Variants in SPDYE4 observed in about 807,000 individuals in gnomAD.
SPDYE4 encodes the protein speedy protein E4.
SPDYE4 carries 30 observed loss-of-function variants against 37.5 expected under a neutral mutation model. The ratio of observed to expected loss-of-function variants is 0.80; its 90% CI spans 0.60 to 1.09. SPDYE4 has a LOEUF of 1.09. Among genes scored for constraint, SPDYE4 ranks in the 50% least tolerant of loss-of-function variants. SPDYE4 has a pLI of 0.00. For synonymous variants in SPDYE4, 131 were observed against 120.3 expected (o/e 1.09, Z -0.58); for missense variants, 300 against 307.9 (o/e 0.97, Z 0.19).
In SPDYE4 at chr17:8,753,482, C is replaced by T; in HGVS notation, c.493G>A (p.Ala165Thr). The T allele has an allele frequency of 6.2e-7, 1 of 1,613,588 alleles. No homozygotes were observed. Among genetic ancestry groups the T allele is most frequent in the Non-Finnish European group, 8.5e-7 (1 of 1,179,796 alleles). Residue 165 changes from alanine to threonine, a missense_variant, in exon 5 of 7, where the codon GCC (alanine) becomes ACC (threonine). Transcript: ENST00000689094. ...TGGTTGTCCTCCTCCATGTCACTGGCCAGGTAGCTGGGGAGAGAGATCAGG... is the reference window on the plus strand; with the variant it reads ...TGGTTGTCCTCCTCCATGTCACTGGTCAGGTAGCTGGGGAGAGAGATCAGG... ...RIHFFLALYL[A>T]SDMEEDNQAP... is the part of the protein sequence containing the mutation.
intron 3 of SPDYE4, 117 bp from the exon 4 acceptor site, chr17:8,755,722 A>G: frequency 7.7e-7 from 1 of 1,291,698 alleles, no homozygotes. Context: ...AAGGAACCTC[A>G]GTGTTGGGTG....
At chr17:8,750,319 G>A (rs138908504), downstream of SPDYE4, among the ~76,000 whole-genome samples, 1,965 of 152,232 alleles carry the variant, frequency 0.013, 48 homozygotes, top group African/African-American at 0.044. Flanking sequence ...AACTTGGGAG[G>A]TGGAGGTTGC....
rs1355821566 is a variant in SPDYE4 at position 8,751,147 on chromosome 17, A to G, written c.*1135T>C. ...TCTAGGTCATAACAGTGCTCCCTTCAGCAGCACATGTAATAACAGATAAAA... is the reference window on the plus strand; with the variant it reads ...TCTAGGTCATAACAGTGCTCCCTTCGGCAGCACATGTAATAACAGATAAAA... On this transcript the variant is annotated 3_prime_UTR_variant, in exon 7 of 7. Transcript: ENST00000689094. 6.6e-6 allele frequency among the ~76,000 whole-genome samples: 1 copy of G among 152,248 alleles called. No homozygotes were observed. The highest frequency in any genetic ancestry group is 1.5e-5 in the Non-Finnish European group (1 of 68,042).
intron 4 of SPDYE4, among the ~76,000 whole-genome samples, 151 bp from the exon 5 acceptor site, chr17:8,753,640 G>A (rs532912241): frequency 3.9e-5 from 6 of 152,172 alleles, no homozygotes; most frequent in Admixed American, 2.6e-4. Flanking sequence ...AGGAGGCCCC[G>A]CTGGACAGAG....
chr17:8,757,506 C>T lies in SPDYE4; in HGVS notation c.110-14G>A, dbSNP rs776274209. 23 of 1,607,448 alleles carry T rather than the reference C, an allele frequency of 1.4e-5. No individual in the cohort carries two copies. Among genetic ancestry groups the T allele is most frequent in the Admixed American group, 3.4e-5 (2 of 59,070 alleles). On this transcript the variant is annotated splice_polypyrimidine_tract_variant and intron_variant, in intron 1 of 6. Coordinates refer to ENST00000689094, the MANE Select transcript of SPDYE4 (RefSeq NM_001394956.1). Reference sequence around the variant, plus strand: ...CTATCCAAGGGGCTGAGTGAAGAAACCAGGCCATGGTGTCATGTTTCTGCC... The same window carrying T: ...CTATCCAAGGGGCTGAGTGAAGAAATCAGGCCATGGTGTCATGTTTCTGCC...
chr17:8,753,897 G>A (rs892153638), intron 4 of SPDYE4, among the ~76,000 whole-genome samples: 1 of 152,048 alleles, frequency 6.6e-6, no homozygotes, highest in Non-Finnish European at 1.5e-5. Context: ...CCTCATCCTA[G>A]TCCCCATCCC....
intron 2 of SPDYE4, among the ~76,000 whole-genome samples, 166 bp from the exon 3 acceptor site, chr17:8,756,602 G>C (rs2086774661): frequency 6.6e-6 from 1 of 152,182 alleles, no homozygotes; most frequent in African/African-American, 2.4e-5. Context: ...AAGGAGGGAG[G>C]CTCCCGCTCT....
At chr17:8,753,281 A>AACCC in intron 5 of SPDYE4, 40 bp downstream of exon 5, 2 of 388,128 alleles carry the variant, frequency 5.2e-6, no homozygotes, top group Non-Finnish European at 7.4e-6. Flanking sequence ...AGTCCACCCC[A>AACCC]TCCCTCCCCA....
intron 4 of SPDYE4, among the ~76,000 whole-genome samples, chr17:8,754,399 CGTCA>C (rs1365389074): frequency 1.3e-5 from 2 of 152,106 alleles, no homozygotes; most frequent in Non-Finnish European, 2.9e-5. Context: ...CATAGCAAAA[CGTCA>C]TCTCTACTAA....
At chr17:8,755,383 A>G in intron 4 of SPDYE4, 137 bp downstream of exon 4, 8 of 1,084,326 alleles carry the variant, frequency 7.4e-6, no homozygotes, top group Non-Finnish European at 1.1e-5. Flanking sequence ...AGAACACCAT[A>G]GTATAATCTT....
intron 2 of SPDYE4, 24 bp from the exon 3 acceptor site, chr17:8,756,460 G>A (rs754040680): frequency 1.9e-6 from 3 of 1,612,672 alleles, no homozygotes; most frequent in Admixed American, 1.7e-5. Flanking sequence ...GCCTGTGTCA[G>A]GGTGAGAAGT....
At chr17:8,748,759 G>T (rs1041267722), downstream of SPDYE4, among the ~76,000 whole-genome samples, 7 of 152,094 alleles carry the variant, frequency 4.6e-5, no homozygotes, top group Admixed American at 6.5e-5. Flanking sequence ...ATTTATAGAA[G>T]GTCTTTATGT....
At chr17:8,749,267 ATT>A (rs71135918), downstream of SPDYE4, among the ~76,000 whole-genome samples, 34 of 142,268 alleles carry the variant, frequency 2.4e-4, no homozygotes, top group Admixed American at 2.8e-4. Context: ...TAAGTTTCGT[ATT>A]TTTTTTTTTT....
downstream of SPDYE4, among the ~76,000 whole-genome samples, chr17:8,749,860 C>T (rs1005438727): frequency 2.6e-5 from 4 of 152,196 alleles, no homozygotes; most frequent in South Asian, 2.1e-4. Flanking sequence ...ATTGGTGACA[C>T]GAGGGTCCTA....
chr17:8,748,580 G>C (rs189499359), downstream of SPDYE4, among the ~76,000 whole-genome samples: 74 of 152,296 alleles, frequency 4.9e-4, no homozygotes, highest in Admixed American at 3.1e-3. Context: ...TGTTAGAACA[G>C]AACAAACTGA....
Position 8,758,505 on chromosome 17 carries a change from T to C in SPDYE4, c.-123A>G. 1 of 928,216 alleles carries C rather than the reference T, an allele frequency of 1.1e-6. No individual in the cohort carries two copies. The highest frequency in any genetic ancestry group is 1.7e-6 in the Non-Finnish European group (1 of 601,180). The allele number at this position is 928,216 out of a possible 1,614,324, so 57.5% of individuals were successfully genotyped here. A position where few individuals can be genotyped will look rare whatever the true frequency, so the allele number is the denominator to read the frequency against. On this transcript the variant is annotated 5_prime_UTR_variant, in exon 1 of 7. Coordinates refer to ENST00000689094, the MANE Select transcript of SPDYE4 (RefSeq NM_001394956.1). Reference sequence around the variant, plus strand: ...TCTCTTCTAGAGGCTCGGGAGAAGTTAGGAGTGAAGAGTAGTTCTGAGAAG... The same window carrying C: ...TCTCTTCTAGAGGCTCGGGAGAAGTCAGGAGTGAAGAGTAGTTCTGAGAAG...
intron 4 of SPDYE4, among the ~76,000 whole-genome samples, chr17:8,753,989 G>C (rs960063078): frequency 5.9e-5 from 9 of 151,970 alleles, no homozygotes; most frequent in African/African-American, 2.2e-4. Context: ...CCAAGGACAG[G>C]AACTGACTGG....
In SPDYE4 at chr17:8,751,725, A is replaced by G. The variant is rs910347050; in HGVS notation, c.*557T>C. ...AGGAACAGCATGTTTTCAAAACTAC[A>G]AAAACCCCAAACTATTTTAAATCAA... is the stretch of plus-strand genomic sequence containing the variant. On this transcript the variant is annotated 3_prime_UTR_variant, in exon 7 of 7. Transcript: ENST00000689094. Among the ~76,000 whole-genome samples the G allele has an allele frequency of 6.6e-6, 1 of 152,222 alleles. No homozygotes were observed. Among genetic ancestry groups the G allele is most frequent in the Non-Finnish European group, 1.5e-5 (1 of 68,042 alleles).
rs776395738 is a variant in SPDYE4, at chr17:8,753,140, A to G, written c.712T>C (p.Ter238GlnextTer8). Residue 238 changes from the stop codon to glutamine, a stop_lost, in exon 6 of 7, where the codon TAG becomes CAG. Transcript: ENST00000689094. ...CAGGCCTCCATGTCCCCGGAGCTCTAGGAAATGAGGGTGCGATCTCGGGCC... is the reference window on the plus strand; with the variant it reads ...CAGGCCTCCATGTCCCCGGAGCTCTGGGAAATGAGGGTGCGATCTCGGGCC... The part of the protein sequence containing the change: ...VWARDRTLIS[*>Q] 2.7e-5 allele frequency: 43 copies of G among 1,613,940 alleles called. No individual in the cohort carries two copies. The highest frequency in any genetic ancestry group is 3.1e-5 in the Non-Finnish European group (37 of 1,180,014).
Sources: allele counts gnomAD v4.1 joint callset (sites outside exome capture counted in the v4.1 genomes callset), GRCh38; gene constraint gnomAD v4.1.1; transcripts MANE v1.5; gene names NCBI Gene and HGNC (gene_info 2026-07-23, HGNC 2026-07-21).